ROBO2: variants seen among roughly 807,000 people sequenced by gnomAD.
The protein encoded by ROBO2 is roundabout guidance receptor 2.
In ROBO2, 53 loss-of-function variants were observed where a neutral mutation model predicts 160.8. The ratio of observed to expected loss-of-function variants is 0.33; its 90% CI spans 0.26 to 0.41. The LOEUF is 0.41. ROBO2 is among the 10% of genes least tolerant of loss of function. ROBO2 has a pLI of 1.00. For synonymous variants in ROBO2, 664 were observed against 611.7 expected (o/e 1.09, Z -1.26); for missense variants, 1,577 against 1,722.4 (o/e 0.92, Z 1.49).
chr3:76,350,172 T>A (rs2108276406), intron 2 of ROBO2, among the ~76,000 whole-genome samples: 1 of 152,220 alleles, frequency 6.6e-6, no homozygotes, highest in South Asian at 2.1e-4. Context: ...AGTGACACAC[T>A]TGGGAATGAA....
intron 2 of ROBO2, among the ~76,000 whole-genome samples, chr3:77,359,510 T>A (rs540036668): frequency 6.6e-6 from 1 of 152,310 alleles, no homozygotes; most frequent in South Asian, 2.1e-4. Flanking sequence ...CTTGCAATCA[T>A]CATTGTGTAG....
intron 2 of ROBO2, among the ~76,000 whole-genome samples, chr3:77,215,999 T>C (rs576745976): frequency 6.6e-6 from 1 of 152,156 alleles, no homozygotes; most frequent in African/African-American, 2.4e-5. Flanking sequence ...TACTGGGGGG[T>C]GCCTCCCAGT....
At chr3:77,644,230 A>G (rs2095388629) in intron 24 of ROBO2, among the ~76,000 whole-genome samples, 1 of 152,154 alleles carries the variant, frequency 6.6e-6, no homozygotes, top group South Asian at 2.1e-4. Context: ...AAAGCAACAT[A>G]AATTTTAAAA....
intron 2 of ROBO2, among the ~76,000 whole-genome samples, chr3:76,047,882 T>C (rs913088499): frequency 6.6e-6 from 1 of 152,232 alleles, no homozygotes; most frequent in Non-Finnish European, 1.5e-5. Flanking sequence ...TAAGGTTATC[T>C]TACCTGGAAT....
At chr3:76,390,926 C>G (rs1355000991) in intron 2 of ROBO2, among the ~76,000 whole-genome samples, 1 of 151,908 alleles carries the variant, frequency 6.6e-6, no homozygotes, top group Non-Finnish European at 1.5e-5. Context: ...GTGAAGTGTA[C>G]CCAATAAATA....
chr3:77,622,645 C>G (rs923149301), intron 23 of ROBO2, among the ~76,000 whole-genome samples: 24 of 152,100 alleles, frequency 1.6e-4, no homozygotes, highest in Admixed American at 1.4e-3. Flanking sequence ...TTTTAAAAAG[C>G]TTTAAAGACA....
intron 2 of ROBO2, among the ~76,000 whole-genome samples, chr3:76,874,290 G>T (rs1359058534): frequency 6.6e-6 from 1 of 151,436 alleles, no homozygotes; most frequent in Non-Finnish European, 1.5e-5. Context: ...CACCCATTAA[G>T]AATCTTCCAA....
intron 2 of ROBO2, among the ~76,000 whole-genome samples, chr3:77,431,223 A>G (rs372553458): frequency 7.2e-5 from 11 of 152,186 alleles, no homozygotes; most frequent in African/African-American, 2.7e-4. Flanking sequence ...CTCAATTACA[A>G]TGTTACAATC....
intron 2 of ROBO2, among the ~76,000 whole-genome samples, chr3:76,772,417 C>G (rs1283206910): frequency 1.3e-5 from 2 of 148,150 alleles, no homozygotes; most frequent in African/African-American, 4.9e-5. Context: ...TTTATATGCA[C>G]ACACACATAT....
intron 5 of ROBO2, among the ~76,000 whole-genome samples, chr3:77,502,726 G>C (rs951370683): frequency 6.6e-6 from 1 of 152,124 alleles, no homozygotes; most frequent in Admixed American, 6.5e-5. Context: ...GATTTACGTA[G>C]CATTTAGATT....
At chr3:76,391,756 G>A (rs967214887) in intron 2 of ROBO2, among the ~76,000 whole-genome samples, 5 of 152,012 alleles carry the variant, frequency 3.3e-5, no homozygotes, top group Admixed American at 2.6e-4. Flanking sequence ...TGATCTGCCC[G>A]TCTCGACCTC....
At chr3:76,677,958 CTTTTTTTTTTTTTTTTTTTT>C (rs1169307424) in intron 2 of ROBO2, among the ~76,000 whole-genome samples, 2 of 29,396 alleles carry the variant, frequency 6.8e-5, no homozygotes, top group South Asian at 2.5e-3. Flanking sequence ...AGAAAATATG[CTTTTTTTTTTTTTTTTTTTT>C]TTTTTTTTTG....
At chr3:76,230,274 G>A (rs144795591) in intron 2 of ROBO2, among the ~76,000 whole-genome samples, 1 of 151,518 alleles carries the variant, frequency 6.6e-6, no homozygotes, top group Admixed American at 6.6e-5. Flanking sequence ...AGCTTCAAAG[G>A]CTCTCTCTTC....
intron 2 of ROBO2, among the ~76,000 whole-genome samples, chr3:77,417,062 A>T (rs1451377821): frequency 2.0e-5 from 3 of 152,142 alleles, no homozygotes; most frequent in African/African-American, 7.2e-5. Context: ...CTGTCTTTTA[A>T]TGAACGTTGA....
chr3:76,963,858 AG>A (rs2079859388), intron 2 of ROBO2, among the ~76,000 whole-genome samples: 1 of 151,234 alleles, frequency 6.6e-6, no homozygotes. Flanking sequence ...AAGAAAAAAA[AG>A]AAAAAAGAAA....
intron 2 of ROBO2, among the ~76,000 whole-genome samples, chr3:76,580,333 T>TTTC: frequency 7.8e-6 from 1 of 128,320 alleles, no homozygotes; most frequent in Non-Finnish European, 1.6e-5. Flanking sequence ...TTTTTGTTTT[T>TTTC]TTTTTTGTGT....
chr3:76,552,162 A>T (rs996685437), intron 2 of ROBO2, among the ~76,000 whole-genome samples: 1 of 152,346 alleles, frequency 6.6e-6, no homozygotes, highest in Middle Eastern at 3.4e-3. Context: ...ATTAGATATT[A>T]TAAGTAATCT....
intron 2 of ROBO2, among the ~76,000 whole-genome samples, chr3:77,174,556 T>C (rs1332903388): frequency 6.6e-6 from 1 of 152,026 alleles, no homozygotes; most frequent in Non-Finnish European, 1.5e-5. Flanking sequence ...TAACCTAAAT[T>C]TCCTGAAGAA....
chr3:77,359,369 A>G (rs2069596417), intron 2 of ROBO2, among the ~76,000 whole-genome samples: 1 of 152,182 alleles, frequency 6.6e-6, no homozygotes, highest in African/African-American at 2.4e-5. Flanking sequence ...TTTCAGAACC[A>G]TATAGCATAA....
Sources: gnomAD v4.1 joint callset for allele counts (sites outside exome capture counted in the v4.1 genomes callset) on GRCh38, gnomAD v4.1.1 for gene constraint, MANE v1.5 for transcripts, NCBI Gene and HGNC (gene_info 2026-07-23, HGNC 2026-07-21) for gene names.